Variants in FARP2 observed in about 807,000 individuals in gnomAD.
FARP2 encodes the protein FERM, ARHGEF and pleckstrin domain-containing protein 2.
A neutral mutation model predicts 130.5 loss-of-function variants in FARP2; 111 were observed. That is an observed-to-expected ratio of 0.85 (90% confidence interval 0.73 to 1.00). The LOEUF (loss-of-function observed/expected upper bound fraction) is 1.00. Among genes scored for constraint, FARP2 ranks in the 50% least tolerant of loss-of-function variants. FARP2 has a pLI of 0.00. For synonymous variants in FARP2, 504 were observed against 516.9 expected (o/e 0.98, Z 0.34); for missense variants, 1,385 against 1,346.3 (o/e 1.03, Z -0.45).
chr2:241,471,483 CT>C (rs58331588), intron 18 of FARP2: 1,394 of 56,756 alleles, frequency 0.025, 19 homozygotes, highest in African/African-American at 0.097. Context: ...TGCTCTTCTT[CT>C]TTTTTTTTTT....
chr2:241,454,805 GAA>G (rs1280100948), intron 13 of FARP2, among the ~76,000 whole-genome samples: 4 of 152,246 alleles, frequency 2.6e-5, no homozygotes, highest in African/African-American at 9.6e-5. Flanking sequence ...CTATAGCAAT[GAA>G]TGTTTCCTTG....
At chr2:241,472,669 T>C (rs539844638) in intron 18 of FARP2, among the ~76,000 whole-genome samples, 1 of 151,628 alleles carries the variant, frequency 6.6e-6, no homozygotes, top group Non-Finnish European at 1.5e-5. Context: ...GATGCTGTTT[T>C]GAGGGGACTC....
intron 5 of FARP2, among the ~76,000 whole-genome samples, chr2:241,409,023 AGATAGATAGATAGAT>A (rs1337115930): frequency 2.1e-5 from 3 of 139,552 alleles, no homozygotes; most frequent in Non-Finnish European, 4.6e-5. Flanking sequence ...AAATAGAGAT[AGATAGATAGATAGAT>A]GATAGATAGA....
At chr2:241,468,048 C>T (rs2064219475) in intron 17 of FARP2, 92 bp from the exon 18 acceptor site, 2 of 898,764 alleles carry the variant, frequency 2.2e-6, no homozygotes, top group South Asian at 2.8e-5. Context: ...TGGGGATTTC[C>T]AGCCGGCACC....
intron 2 of FARP2, among the ~76,000 whole-genome samples, chr2:241,399,034 A>T (rs930090670): frequency 1.3e-5 from 2 of 152,148 alleles, no homozygotes; most frequent in African/African-American, 4.8e-5. Context: ...GAGACTCCAG[A>T]TGTTCTACTT....
chr2:241,380,904 G>T (rs2061646028), intron 2 of FARP2, among the ~76,000 whole-genome samples: 1 of 152,076 alleles, frequency 6.6e-6, no homozygotes, highest in Non-Finnish European at 1.5e-5. Context: ...TGCCTCCACT[G>T]AGCAGGTTCT....
At chr2:241,366,128 T>TATATATAC (rs1304374524) in intron 1 of FARP2, among the ~76,000 whole-genome samples, 4 of 115,368 alleles carry the variant, frequency 3.5e-5, no homozygotes, top group South Asian at 2.7e-4. Flanking sequence ...TATACGTATA[T>TATATATAC]ATATATATAT....
chr2:241,490,542 C>T (rs1288738201), intron 22 of FARP2, among the ~76,000 whole-genome samples: 3 of 152,214 alleles, frequency 2.0e-5, no homozygotes, highest in Non-Finnish European at 4.4e-5. Flanking sequence ...CAGCTCCCTC[C>T]TCCCCAGATA....
At chr2:241,491,740 G>T in intron 24 of FARP2, 61 bp downstream of exon 24, 1 of 1,500,238 alleles carries the variant, frequency 6.7e-7, no homozygotes, top group Non-Finnish European at 9.0e-7. Context: ...CTCTGCACTT[G>T]GCTGCTGAGG....
chr2:241,467,633 TC>T (rs1033205932), intron 17 of FARP2, among the ~76,000 whole-genome samples: 2 of 143,182 alleles, frequency 1.4e-5, no homozygotes, highest in African/African-American at 5.2e-5. Flanking sequence ...CAGAGCTAGA[TC>T]CAGTCTCAAA....
At chr2:241,489,740 T>C (rs1040379447) in intron 21 of FARP2, 2 of 471,992 alleles carry the variant, frequency 4.2e-6, no homozygotes, top group Non-Finnish European at 7.6e-6. Flanking sequence ...CGGTGAGTAT[T>C]TGGGTGCCCT....
chr2:241,468,002 G>A (rs1229311715), intron 17 of FARP2, 138 bp from the exon 18 acceptor site: 23 of 713,702 alleles, frequency 3.2e-5, no homozygotes, highest in South Asian at 1.5e-4. Context: ...GAAAGCCCCC[G>A]CTGGCGCACG....
chr2:241,439,393 G>A (rs748097071), intron 12 of FARP2, among the ~76,000 whole-genome samples: 35 of 151,792 alleles, frequency 2.3e-4, no homozygotes, highest in Non-Finnish European at 3.1e-4. Flanking sequence ...GCAGTGGTGC[G>A]ATCTTGGTTC....
intron 2 of FARP2, among the ~76,000 whole-genome samples, chr2:241,376,952 C>G (rs527360866): frequency 6.6e-6 from 1 of 152,318 alleles, no homozygotes; most frequent in South Asian, 2.1e-4. Context: ...CAGGGCCTTG[C>G]TGAGTAAACG....
rs1003527707 is a variant in FARP2, at chr2:241,482,527, G to A, written c.2263-938G>A. 6.6e-6 allele frequency among the ~76,000 whole-genome samples: 1 copy of A among 152,210 alleles called. No homozygotes were observed. The highest frequency in any genetic ancestry group is 6.5e-5 in the Admixed American group (1 of 15,288). Reference sequence around the variant, plus strand: ...GGGCTAGGAGGCAGATGTGGAGTGAGAGCCACAAGCTTAGTTACCGGCCCC... The same window carrying A: ...GGGCTAGGAGGCAGATGTGGAGTGAAAGCCACAAGCTTAGTTACCGGCCCC... On this transcript the variant is annotated intron_variant, in intron 19 of 26. Coordinates refer to ENST00000264042, the MANE Select transcript of FARP2 (RefSeq NM_014808.4). This position sits in a 1 kb window ranked among gnomAD's most constrained non-coding sequence, Gnocchi z 4.6.
intron 1 of FARP2, among the ~76,000 whole-genome samples, chr2:241,364,884 C>T (rs929888647): frequency 6.6e-6 from 1 of 152,158 alleles, no homozygotes. Context: ...GAAATAATCC[C>T]TGTAAATATA....
intron 19 of FARP2, 22 bp downstream of exon 19, chr2:241,476,009 A>G (rs1196461480): frequency 3.1e-6 from 5 of 1,593,846 alleles, no homozygotes; most frequent in Admixed American, 1.8e-5. Context: ...TGCTCTGGGA[A>G]TGTTTTTTGA....
intron 1 of FARP2, among the ~76,000 whole-genome samples, chr2:241,371,962 A>G (rs1575463367): frequency 6.6e-6 from 1 of 152,082 alleles, no homozygotes; most frequent in Admixed American, 6.6e-5. Flanking sequence ...ACATTTTACT[A>G]TCTTTGTGTG....
rs1243165589 is a variant in FARP2, at chr2:241,468,384, G to A, written c.2131+7G>A. ...GACTACGCTGACTGCCATGGTGAGT[G>A]TGGGTGCGGCCCTGCATCTCAAGGA... is the stretch of plus-strand genomic sequence containing the variant. On this transcript the variant is annotated splice_region_variant and intron_variant, in intron 18 of 26. Coordinates refer to ENST00000264042, the MANE Select transcript of FARP2 (RefSeq NM_014808.4). The A allele has an allele frequency of 4.4e-6, 7 of 1,603,488 alleles. No homozygotes were observed. The highest frequency in any genetic ancestry group is 2.7e-5 in the African/African-American group (2 of 74,762).
Sources: gnomAD v4.1 joint callset for allele counts (sites outside exome capture counted in the v4.1 genomes callset) on GRCh38, gnomAD v4.1.1 for gene constraint, Gnocchi (gnomAD v3.1) non-coding constraint, MANE v1.5 for transcripts, NCBI Gene and HGNC (gene_info 2026-07-23, HGNC 2026-07-21) for gene names.